Variants in LIG4 observed in about 807,000 individuals in gnomAD.
LIG4 encodes the protein DNA ligase 4.
A neutral mutation model predicts 19.0 loss-of-function variants in LIG4; 13 were observed. The ratio of observed to expected loss-of-function variants is 0.68; its 90% CI spans 0.44 to 1.09. LIG4 has a LOEUF of 1.09. LIG4 is among the 50% of genes least tolerant of loss of function. The pLI, the probability that LIG4 is intolerant of heterozygous loss-of-function variation, is 0.00. For synonymous variants in LIG4, 361 were observed against 358.2 expected, an observed-to-expected ratio of 1.01 and a Z score of -0.09; for missense variants, 1,026 against 1,089.7, an observed-to-expected ratio of 0.94 and a Z score of 0.82.
At position 108,209,759 on chromosome 13, in the gene LIG4, A is replaced by G. The variant is rs1402611994; in HGVS notation, c.1510T>C (p.Ser504Pro). The G allele has an allele frequency of 3.1e-6, 5 of 1,614,128 alleles. No individual in the cohort carries two copies. The highest frequency in any genetic ancestry group is 1.7e-5 in the Admixed American group (1 of 60,020). Residue 504 changes from serine to proline, a missense_variant, in exon 3 of 3, where the codon TCT (serine) becomes CCT (proline). This residue lies in a region of LIG4 where 521 missense variants were observed against 515.5 expected (regional missense o/e 1.01). Coordinates refer to ENST00000442234, the MANE Select transcript of LIG4 (RefSeq NM_206937.2). ...ATGGTGCAGCCAGACCCAACACGAG[A>G]GAGAGTATGAAACACAGATGGCTTC... is the stretch of plus-strand genomic sequence containing the variant. ...GEKPSVFHTLSRVGSGCTMKE... is the reference protein window; with the variant it reads ...GEKPSVFHTLPRVGSGCTMKE...
At chr13:108,214,772 C>G (rs1269717088) in intron 1 of LIG4, 162 bp from the exon 2 acceptor site, 1 of 152,316 alleles carries the variant, frequency 6.6e-6, no homozygotes, top group African/African-American at 2.4e-5. Flanking sequence ...GCGCAGTCTA[C>G]AGCGCTGTGG....
In LIG4 at chr13:108,210,616, G is replaced by A. The variant is rs752275302; in HGVS notation, c.653C>T (p.Thr218Ile). ...HNDAAELHNV[T>I]TDLEKVCRQL... ...CCTACAGACTTTTTCCAGATCTGTAGTGACATTATGCAACTCAGCAGCATC... is the reference window on the plus strand; with the variant it reads ...CCTACAGACTTTTTCCAGATCTGTAATGACATTATGCAACTCAGCAGCATC... The change falls in exon 3 of 3, where the codon ACT (threonine) becomes ATT (isoleucine). Residue 218 changes from threonine to isoleucine, a missense_variant. Physicochemically the swap from Thr to Ile is moderately conservative, Grantham distance 89 (BLOSUM62 -1). This residue lies in a region of LIG4 where 493 missense variants were observed against 544.5 expected (regional missense o/e 0.91). Coordinates refer to ENST00000442234, the MANE Select transcript of LIG4 (RefSeq NM_206937.2). 6.2e-7 allele frequency: 1 copy of A among 1,613,600 alleles called. No homozygotes were observed. Among genetic ancestry groups the A allele is most frequent in the Non-Finnish European group, 8.5e-7 (1 of 1,179,984 alleles).
In LIG4 at chr13:108,210,466, A is replaced by G. The variant is rs755863041; in HGVS notation, c.803T>C (p.Phe268Ser). 1 of 1,613,386 alleles carries G rather than the reference A, an allele frequency of 6.2e-7. No individual in the cohort carries two copies. Among genetic ancestry groups the G allele is most frequent in the East Asian group, 2.2e-5 (1 of 44,860 alleles). Residue 268 changes from phenylalanine to serine, a missense_variant, in exon 3 of 3, where the codon TTC becomes TCC. Transcript: ENST00000442234. ...HIEKDMKHQS[F>S]YIETKLDGER... ...ACCATCTAGCTTGGTTTCTATGTAGAAACTCTGATGTTTCATATCCTTCTC... is the reference window on the plus strand; with the variant it reads ...ACCATCTAGCTTGGTTTCTATGTAGGAACTCTGATGTTTCATATCCTTCTC...
Position 108,210,496 on chromosome 13 carries a change from T to C in LIG4, c.773A>G (p.His258Arg), listed in dbSNP as rs777662030. The part of the protein sequence containing the change: ...PMLAAIADIE[H>R]IEKDMKHQSF... ...CTGATGTTTCATATCCTTCTCAATG[T>C]GCTCAATATCTGCAATAGCAGCTAG... The change falls in exon 3 of 3, where the codon CAC becomes CGC. Residue 258 changes from histidine (H) to arginine (R), a missense_variant. His to Arg is a conservative substitution (Grantham distance 29). This residue lies in a region of LIG4 where 493 missense variants were observed against 544.5 expected (regional missense o/e 0.91). Coordinates refer to ENST00000442234, the MANE Select transcript of LIG4 (RefSeq NM_206937.2). 6.2e-7 allele frequency: 1 copy of C among 1,613,032 alleles called. No homozygotes were observed. The highest frequency in any genetic ancestry group is 8.5e-7 in the Non-Finnish European group (1 of 1,179,942).
chr13:108,211,586 C>T (rs1448357462), intron 2 of LIG4, among the ~76,000 whole-genome samples: 1 of 151,996 alleles, frequency 6.6e-6, no homozygotes, highest in Non-Finnish European at 1.5e-5. Context: ...TCCAGTTATT[C>T]TATGTATTAA....
chr13:108,209,047 C>T lies in LIG4; in HGVS notation c.2222G>A (p.Arg741His), dbSNP rs143767581. 470 of 1,613,954 alleles carry T rather than the reference C, an allele frequency of 2.9e-4. 2 individuals carry two copies. Among genetic ancestry groups the T allele is most frequent in the Admixed American group, 2.0e-4 (12 of 59,992 alleles). ...TGATGGGCACATATGAATCATAAAG[C>T]GAGGCTGCCATGGTACAAAGCTTTT... ...KTKSFVPWQP[R>H]FMIHMCPSTK... The change falls in exon 3 of 3, where the codon CGC (arginine) becomes CAC (histidine). Residue 741 changes from arginine (R) to histidine (H), a missense_variant. Arg to His is a conservative substitution (Grantham distance 29). Transcript: ENST00000442234.
chr13:108,214,373 A>G (rs913980239), intron 2 of LIG4, among the ~76,000 whole-genome samples, 165 bp downstream of exon 2: 2 of 152,152 alleles, frequency 1.3e-5, no homozygotes, highest in African/African-American at 2.4e-5. Flanking sequence ...TGAAAGACCA[A>G]GTGTAAGAAG....
Position 108,208,436 on chromosome 13 carries a change from A to T in LIG4, c.*97T>A. The T allele has an allele frequency of 1.3e-6, 1 of 768,058 alleles. No homozygotes were observed. Among genetic ancestry groups the T allele is most frequent in the Non-Finnish European group, 2.2e-6 (1 of 463,158 alleles). The allele number at this position is 768,058 out of a possible 1,614,324, so 47.6% of individuals were successfully genotyped here. A position where few individuals can be genotyped will look rare whatever the true frequency, so the allele number is the denominator to read the frequency against. ...TGATACTTTTTAGGCATAGATTTTT[A>T]AGATACAAAAATAAAATGTAGTTTA... On this transcript the variant is annotated 3_prime_UTR_variant, in exon 3 of 3. Transcript: ENST00000442234.
Position 108,208,474 on chromosome 13 carries a change from T to C in LIG4, c.*59A>G. 1 of 1,045,398 alleles carries C rather than the reference T, an allele frequency of 9.6e-7. No individual in the cohort carries two copies. Among genetic ancestry groups the C allele is most frequent in the Non-Finnish European group, 1.5e-6 (1 of 683,454 alleles). The allele number at this position is 1,045,398 out of a possible 1,614,324, so 64.8% of individuals were successfully genotyped here. On this transcript the variant is annotated 3_prime_UTR_variant, in exon 3 of 3. Transcript: ENST00000442234. ...AAAATGTAGTTTAGTATTTTATCAT[T>C]ACCACCTGCTGCAATGAGTCTGCCA...
rs375284799 is a variant in LIG4 at position 108,209,756 on chromosome 13, G to A, written c.1513C>T (p.Arg505Cys). The change falls in exon 3 of 3, where the codon CGT becomes TGT. Residue 505 changes from arginine (R) to cysteine (C), a missense_variant. By Grantham distance (180) the Arg-to-Cys change is radical. Transcript: ENST00000442234. ...EKPSVFHTLS[R>C]VGSGCTMKEL... The stretch of plus-strand genomic sequence containing the variant: ...TTCATGGTGCAGCCAGACCCAACAC[G>A]AGAGAGAGTATGAAACACAGATGGC... 123 of 1,613,884 alleles carry A rather than the reference G, an allele frequency of 7.6e-5. No homozygotes were observed. The highest frequency in any genetic ancestry group is 1.0e-4 in the Non-Finnish European group (120 of 1,179,974).
rs777181224 is a variant in LIG4, at chr13:108,211,174, C to A, written c.95G>T (p.Arg32Leu). 1.5e-5 allele frequency: 24 copies of A among 1,613,314 alleles called. No individual in the cohort carries two copies. Among genetic ancestry groups the A allele is most frequent in the Non-Finnish European group, 1.9e-5 (23 of 1,179,844 alleles). The stretch of plus-strand genomic sequence containing the variant: ...CCTGAAGTGTCTGATTTTTTCTGCA[C>A]GTCCTTTACTTTTCTGTATTCGTTC... ...TLERIQKSKGRAEKIRHFREF... is the reference protein window; with the variant it reads ...TLERIQKSKGLAEKIRHFREF... The change falls in exon 3 of 3, where the codon CGT becomes CTT. Residue 32 changes from arginine to leucine, a missense_variant. Around this residue, in one of 3 missense-constraint regions of LIG4, gnomAD observed 493 missense variants for 544.5 expected, o/e 0.91. Transcript: ENST00000442234.
rs552242241 is a variant in LIG4, at chr13:108,209,662, C to T, written c.1607G>A (p.Ser536Asn). 112 of 1,614,178 alleles carry T rather than the reference C, an allele frequency of 6.9e-5. No homozygotes were observed. In the Middle Eastern group the frequency reaches 2.0e-3, roughly 29 times the overall value. The change falls in exon 3 of 3, where the codon AGC becomes AAC. Residue 536 changes from serine to asparagine, a missense_variant. Around this residue, in one of 3 missense-constraint regions of LIG4, gnomAD observed 521 missense variants for 515.5 expected, o/e 1.01. Transcript: ENST00000442234. ...CTTCTCTGTTCCACATAAAATGCTG[C>T]TTGGTGGAGCTTTTCTATGAAAAGG... ...WKPFHRKAPP[S>N]SILCGTEKPE...
At position 108,209,061 on chromosome 13, in the gene LIG4, T is replaced by C. The variant is rs1366246090; in HGVS notation, c.2208A>G (p.Val736=). The C allele has an allele frequency of 1.2e-6, 2 of 1,614,038 alleles. No individual in the cohort carries two copies. The highest frequency in any genetic ancestry group is 1.1e-5 in the South Asian group (1 of 91,088). ...GAATCATAAAGCGAGGCTGCCATGG[T>C]ACAAAGCTTTTGGTCTTAAAACATT... ...LLECFKTKSF[V]PWQPRFMIHM... is the part of the protein sequence containing the mutation. The change falls in exon 3 of 3, where the codon GTA becomes GTG. Residue 736 remains valine, a synonymous_variant. Transcript: ENST00000442234.
intron 2 of LIG4, among the ~76,000 whole-genome samples, chr13:108,213,085 A>G (rs969150523): frequency 1.3e-5 from 2 of 152,168 alleles, no homozygotes; most frequent in East Asian, 3.9e-4. Flanking sequence ...CCCAGCTTCT[A>G]CTGAGTGGGT....
In LIG4 at chr13:108,208,313, A is replaced by G. The variant is rs1878135271; in HGVS notation, c.*220T>C. ...GTTTATTTCACCTTGATCATAAAAAATCATTGAATACTACATTCAAGATAA... is the reference window on the plus strand; with the variant it reads ...GTTTATTTCACCTTGATCATAAAAAGTCATTGAATACTACATTCAAGATAA... On this transcript the variant is annotated 3_prime_UTR_variant, in exon 3 of 3. Coordinates refer to ENST00000442234, the MANE Select transcript of LIG4 (RefSeq NM_206937.2). 2 of 458,370 alleles carry G rather than the reference A, an allele frequency of 4.4e-6. No individual in the cohort carries two copies. Among genetic ancestry groups the G allele is most frequent in the Admixed American group, 4.0e-5 (1 of 25,018 alleles). The allele number at this position is 458,370 out of a possible 1,614,324, so 28.4% of individuals were successfully genotyped here.
Position 108,209,135 on chromosome 13 carries a change from T to C in LIG4, c.2134A>G (p.Ile712Val), listed in dbSNP as rs1213351861. ...AGSENIRVKN[I>V]ILSNKHDVVK... is the part of the protein sequence containing the mutation. Reference sequence around the variant, plus strand: ...ACATCATGTTTATTTGACAAAATTATGTTTTTCACTCTGATGTTCTCAGAC... The same window carrying C: ...ACATCATGTTTATTTGACAAAATTACGTTTTTCACTCTGATGTTCTCAGAC... Residue 712 changes from isoleucine (I) to valine (V), a missense_variant, in exon 3 of 3, where the codon ATA becomes GTA. By Grantham distance (29) the Ile-to-Val change is conservative. This residue lies in a region of LIG4 where 521 missense variants were observed against 515.5 expected (regional missense o/e 1.01). Transcript: ENST00000442234. 3.1e-6 allele frequency: 5 copies of C among 1,614,092 alleles called. No homozygotes were observed. The highest frequency in any genetic ancestry group is 3.3e-5 in the Admixed American group (2 of 60,006).
rs1878635977 is a variant in LIG4 at position 108,211,255 on chromosome 13, T to A, written c.14A>T (p.Gln5Leu). 2 of 1,612,180 alleles carry A rather than the reference T, an allele frequency of 1.2e-6. No homozygotes were observed. Among genetic ancestry groups the A allele is most frequent in the Non-Finnish European group, 1.7e-6 (2 of 1,179,668 alleles). The change falls in exon 3 of 3, where the codon CAA becomes CTA. Residue 5 changes from glutamine to leucine, a missense_variant. Coordinates refer to ENST00000442234, the MANE Select transcript of LIG4 (RefSeq NM_206937.2). The stretch of plus-strand genomic sequence containing the variant: ...GTGAGATGCAACAGTTTGTGAAGTT[T>A]GTGAGGCAGCCATCAAAGCGGTGAT... The part of the protein sequence containing the change: MAAS[Q>L]TSQTVASHVP...
intron 2 of LIG4, 77 bp from the exon 3 acceptor site, chr13:108,211,373 G>C (rs1291815825): frequency 3.7e-6 from 3 of 815,454 alleles, no homozygotes; most frequent in Middle Eastern, 3.4e-4. Context: ...ATCTTACAAA[G>C]ATCACTGAGA....
chr13:108,209,642 C>T lies in LIG4; in HGVS notation c.1627G>A (p.Glu543Lys). Residue 543 changes from glutamate (E) to lysine (K), a missense_variant, in exon 3 of 3, where the codon GAG becomes AAG. Physicochemically the swap from Glu to Lys is moderately conservative, Grantham distance 56 (BLOSUM62 1). This residue lies in a region of LIG4 where 521 missense variants were observed against 515.5 expected (regional missense o/e 1.01). Coordinates refer to ENST00000442234, the MANE Select transcript of LIG4 (RefSeq NM_206937.2). ...GGTTCAATGTATACTTCTGGCTTCT[C>T]TGTTCCACATAAAATGCTGCTTGGT... is the stretch of plus-strand genomic sequence containing the variant. ...APPSSILCGTEKPEVYIEPCN... is the reference protein window; with the variant it reads ...APPSSILCGTKKPEVYIEPCN... The T allele has an allele frequency of 3.1e-6, 5 of 1,614,214 alleles. No individual in the cohort carries two copies. The highest frequency in any genetic ancestry group is 4.2e-6 in the Non-Finnish European group (5 of 1,180,036).
Sources: allele counts gnomAD v4.1 joint callset (sites outside exome capture counted in the v4.1 genomes callset), GRCh38; gene constraint gnomAD v4.1.1; regional missense constraint gnomAD v4.1.1; transcripts MANE v1.5; gene names NCBI Gene and HGNC (gene_info 2026-07-23, HGNC 2026-07-21).